CREB5: variants seen among roughly 807,000 people sequenced by gnomAD.
The protein encoded by CREB5 is cyclic AMP-responsive element-binding protein 5.
In CREB5, 19 loss-of-function variants were observed where a neutral mutation model predicts 57.1. The ratio of observed to expected loss-of-function variants is 0.33; its 90% confidence interval spans 0.23 to 0.49. The LOEUF (loss-of-function observed/expected upper bound fraction) is 0.49. CREB5 is among the 20% of genes least tolerant of loss of function. The probability of loss-of-function intolerance (pLI) is 0.99; values close to 1 mark genes in which losing one functional copy is unlikely to be tolerated. For synonymous variants in CREB5, 238 were observed against 238.3 expected, an observed-to-expected ratio of 1.00 and a Z score of 0.01; for missense variants, 579 against 671.6, an observed-to-expected ratio of 0.86 and a Z score of 1.52.
chr7:28,538,690 T>C (rs1583596471), intron 4 of CREB5, among the ~76,000 whole-genome samples: 1 of 152,228 alleles, frequency 6.6e-6, no homozygotes, highest in East Asian at 1.9e-4. Context: ...ACTTCGATCA[T>C]TGATTTTCAG....
chr7:28,403,163 CAG>C (rs959336783), intron 1 of CREB5, among the ~76,000 whole-genome samples: 21 of 152,312 alleles, frequency 1.4e-4, no homozygotes, highest in African/African-American at 5.1e-4. Flanking sequence ...CTGTTGCCCA[CAG>C]ACTCAGTGCA....
chr7:28,684,850 G>A (rs1001618448), intron 5 of CREB5, among the ~76,000 whole-genome samples: 1 of 152,126 alleles, frequency 6.6e-6, no homozygotes, highest in African/African-American at 2.4e-5. Flanking sequence ...AAGGAAACAT[G>A]AAGTGTGGGG....
intron 7 of CREB5, among the ~76,000 whole-genome samples, chr7:28,802,248 C>T (rs1441764155): frequency 1.3e-5 from 2 of 151,962 alleles, no homozygotes; most frequent in South Asian, 2.1e-4. Flanking sequence ...GCTACCGAAT[C>T]GGGATGACAA....
intron 1 of CREB5, among the ~76,000 whole-genome samples, chr7:28,307,279 G>A (rs1472577952): frequency 6.6e-6 from 1 of 152,142 alleles, no homozygotes; most frequent in Non-Finnish European, 1.5e-5. Context: ...GGGCTTTCAG[G>A]ATCTGATTAG....
At position 28,425,683 on chromosome 7, in the gene CREB5, G is replaced by A. The variant is rs188572679; in HGVS notation, c.3+12766G>A. 1.6e-3 allele frequency among the ~76,000 whole-genome samples: 249 copies of A among 152,278 alleles called. 2 individuals are homozygous for A. Among genetic ancestry groups the A allele is most frequent in the Middle Eastern group, 0.01 (3 of 294 alleles). On this transcript the variant is annotated intron_variant, in intron 1 of 10. Transcript: ENST00000357727. ...ATTCAGTTAGAATACATGCCAAATA[G>A]GGCATGTTGATCCAACAGCTTCTCT...
intron 7 of CREB5, among the ~76,000 whole-genome samples, chr7:28,772,049 CT>C (rs1222397551): frequency 2.0e-5 from 3 of 152,150 alleles, no homozygotes; most frequent in African/African-American, 7.2e-5. Flanking sequence ...CTCTAAAACA[CT>C]CCCACTTTCT....
intron 5 of CREB5, among the ~76,000 whole-genome samples, chr7:28,630,890 C>T (rs1798175653): frequency 6.6e-6 from 1 of 152,148 alleles, no homozygotes; most frequent in South Asian, 2.1e-4. Flanking sequence ...GTATTCCAGG[C>T]AGAGTATGTA....
intron 5 of CREB5, among the ~76,000 whole-genome samples, chr7:28,610,294 G>T (rs561709721): frequency 6.6e-6 from 1 of 152,220 alleles, no homozygotes; most frequent in East Asian, 1.9e-4. Flanking sequence ...TGTGCTCAGA[G>T]GTATCTGAGC....
At chr7:28,406,639 C>T (rs1213443845) in intron 1 of CREB5, among the ~76,000 whole-genome samples, 1 of 152,228 alleles carries the variant, frequency 6.6e-6, no homozygotes, top group African/African-American at 2.4e-5. Context: ...CCCCAGGGGG[C>T]AAATGCCCCA....
chr7:28,447,247 A>C (rs145091717), intron 1 of CREB5, among the ~76,000 whole-genome samples: 130 of 152,358 alleles, frequency 8.5e-4, no homozygotes, highest in Middle Eastern at 6.8e-3. Context: ...GTAAATGCTC[A>C]ACAAATGGTA....
chr7:28,434,691 T>C (rs1185846649), intron 1 of CREB5, among the ~76,000 whole-genome samples: 1 of 152,222 alleles, frequency 6.6e-6, no homozygotes, highest in Non-Finnish European at 1.5e-5. Context: ...AGTTTACTGG[T>C]AAATAATTAT....
At chr7:28,642,993 C>CACACAT (rs1554279333) in intron 5 of CREB5, among the ~76,000 whole-genome samples, 48 of 101,726 alleles carry the variant, frequency 4.7e-4, no homozygotes, top group Non-Finnish European at 6.9e-4. Flanking sequence ...CACATACACA[C>CACACAT]ACACACACAC....
chr7:28,353,018 T>G (rs1786264824), intron 1 of CREB5, among the ~76,000 whole-genome samples: 1 of 152,166 alleles, frequency 6.6e-6, no homozygotes, highest in African/African-American at 2.4e-5. Flanking sequence ...TGGGTAAAAA[T>G]TTTCTTCAAT....
At chr7:28,353,710 G>A (rs2127990950) in intron 1 of CREB5, among the ~76,000 whole-genome samples, 1 of 152,090 alleles carries the variant, frequency 6.6e-6, no homozygotes, top group East Asian at 1.9e-4. Flanking sequence ...GGGTGTGGTG[G>A]CAGGCGCCTG....
At chr7:28,434,059 T>C (rs1380867826) in intron 1 of CREB5, among the ~76,000 whole-genome samples, 2 of 152,012 alleles carry the variant, frequency 1.3e-5, no homozygotes, top group Non-Finnish European at 1.5e-5. Context: ...AAAGGACGGC[T>C]TCTGGTTTAT....
At chr7:28,400,440 A>T (rs965979150) in intron 1 of CREB5, among the ~76,000 whole-genome samples, 1 of 152,350 alleles carries the variant, frequency 6.6e-6, no homozygotes, top group South Asian at 2.1e-4. Context: ...AGCATTAAAT[A>T]GCCACAGCAG....
chr7:28,686,781 G>T (rs1800955009), intron 5 of CREB5, among the ~76,000 whole-genome samples: 1 of 152,190 alleles, frequency 6.6e-6, no homozygotes, highest in African/African-American at 2.4e-5. Flanking sequence ...GCTTCAGACT[G>T]CAATCTCTAA....
At chr7:28,597,684 T>G (rs1482708439) in intron 5 of CREB5, among the ~76,000 whole-genome samples, 1 of 152,158 alleles carries the variant, frequency 6.6e-6, no homozygotes, top group Admixed American at 6.6e-5. Flanking sequence ...TCAACCTCTC[T>G]CTCAACTCTA....
chr7:28,632,336 A>T (rs900308486), intron 5 of CREB5, among the ~76,000 whole-genome samples: 1 of 152,154 alleles, frequency 6.6e-6, no homozygotes, highest in African/African-American at 2.4e-5. Flanking sequence ...CAATTTCGAA[A>T]AATTTCCTGA....
Sources: allele counts gnomAD v4.1 joint callset (sites outside exome capture counted in the v4.1 genomes callset), GRCh38; gene constraint gnomAD v4.1.1; transcripts MANE v1.5; gene names NCBI Gene and HGNC (gene_info 2026-07-23, HGNC 2026-07-21).